The following TCP11 variants were observed in gnomAD, a reference collection of about 807,000 sequenced individuals.
TCP11 encodes the protein t-complex 11.
TCP11 carries 34 observed loss-of-function variants against 45.0 expected under a neutral mutation model. The observed-to-expected ratio is 0.76, with a 90% CI of 0.57 to 1.01. The LOEUF (loss-of-function observed/expected upper bound fraction) is 1.01. Among genes scored for constraint, TCP11 ranks in the 50% least tolerant of loss-of-function variants. TCP11 has a pLI of 0.00. For synonymous variants in TCP11, 227 were observed against 227.0 expected (o/e 1.00, Z 0.00); for missense variants, 523 against 598.1 (o/e 0.87, Z 1.31).
At chr6:35,123,832 G>A (rs752275090) in intron 4 of TCP11, among the ~76,000 whole-genome samples, 7 of 151,226 alleles carry the variant, frequency 4.6e-5, no homozygotes, top group Admixed American at 2.0e-4. Flanking sequence ...CTGTTGCCCA[G>A]GCTGGAGTGT....
chr6:35,118,261 C>T lies in TCP11; in HGVS notation c.*8G>A, dbSNP rs759929977. ...GGTCCAAGGTACCAGGGCTCTGAGC[C>T]GACGCTATCAAACAGACTCCACTTT... On this transcript the variant is annotated 3_prime_UTR_variant, in exon 10 of 10. Coordinates refer to ENST00000311875, the MANE Select transcript of TCP11 (RefSeq NM_001370687.1). 7.4e-6 allele frequency: 12 copies of T among 1,612,864 alleles called. No individual in the cohort carries two copies. The African/African-American group carries it at 8.0e-5, about 11-fold the overall frequency.
rs577920102 is a variant in TCP11 at position 35,124,201 on chromosome 6, G to A, written c.358-1864C>T. Among the ~76,000 whole-genome samples, 19 of 152,200 alleles carry A rather than the reference G, an allele frequency of 1.2e-4. No individual in the cohort carries two copies. In the South Asian group the frequency reaches 2.1e-3, roughly 17 times the overall value. On this transcript the variant is annotated intron_variant, in intron 4 of 9. Coordinates refer to ENST00000311875, the MANE Select transcript of TCP11 (RefSeq NM_001370687.1). ...AATCACTCGAGGTTACCCATATGTC[G>A]TGGGGGATGGGGGAGTGCTAACTAA...
chr6:35,133,705 G>A (rs549954466), intron 3 of TCP11, among the ~76,000 whole-genome samples: 12 of 151,980 alleles, frequency 7.9e-5, no homozygotes, highest in Non-Finnish European at 1.3e-4. Flanking sequence ...CAAGAGAATC[G>A]CTTGAACCCG....
At chr6:35,124,957 G>A (rs537070430) in intron 4 of TCP11, among the ~76,000 whole-genome samples, 5 of 151,474 alleles carry the variant, frequency 3.3e-5, no homozygotes, top group Admixed American at 6.6e-5. Context: ...CGAGGCAGGC[G>A]GATCACCTGA....
intron 1 of TCP11, 153 bp from the exon 2 acceptor site, chr6:35,141,037 G>C (rs1363358480): frequency 8.1e-7 from 1 of 1,233,966 alleles, no homozygotes; most frequent in African/African-American, 1.6e-5. Context: ...TGGAGGAGCG[G>C]AAGTCGAGAG....
intron 3 of TCP11, among the ~76,000 whole-genome samples, chr6:35,130,407 C>CA (rs956917836): frequency 1.3e-5 from 2 of 151,552 alleles, no homozygotes; most frequent in Non-Finnish European, 2.9e-5. Context: ...GTTAAGAGAA[C>CA]AAAAAAACAA....
At chr6:35,140,659 A>T in intron 2 of TCP11, 88 bp downstream of exon 2, 2 of 738,424 alleles carry the variant, frequency 2.7e-6, no homozygotes, top group Non-Finnish European at 4.9e-6. Context: ...GATAGTGAAG[A>T]GAGAAAACTT....
chr6:35,120,290 G>A lies in TCP11; in HGVS notation c.984C>T (p.His328=), dbSNP rs375634528. ...TRLQELKSQL[H]QLTVMASVLL... is the part of the protein sequence containing the mutation. ...AGACTGAGGCCATGACGGTTAACTG[G>A]TGCAACTGGGACTTCAGCTCCTGCA... The change falls in exon 8 of 10, where the codon CAC becomes CAT. Residue 328 remains histidine, a synonymous_variant. Transcript: ENST00000311875. This position sits in a 1 kb window ranked among gnomAD's most constrained non-coding sequence, Gnocchi z 4.9. The A allele has an allele frequency of 1.5e-4, 238 of 1,614,134 alleles. No individual in the cohort carries two copies. Among genetic ancestry groups the A allele is most frequent in the Non-Finnish European group, 1.9e-4 (228 of 1,180,048 alleles).
chr6:35,135,038 T>C (rs1780903238), intron 3 of TCP11, among the ~76,000 whole-genome samples: 1 of 151,836 alleles, frequency 6.6e-6, no homozygotes, highest in Non-Finnish European at 1.5e-5. Context: ...TCCCAGCTAC[T>C]TGGGAGGCTG....
At chr6:35,132,392 G>A (rs1780555890) in intron 3 of TCP11, among the ~76,000 whole-genome samples, 2 of 152,142 alleles carry the variant, frequency 1.3e-5, no homozygotes, top group Admixed American at 6.5e-5. Context: ...CTCTATATAT[G>A]CATAGCTACA....
Position 35,136,226 on chromosome 6 carries a change from T to A in TCP11, c.125-8A>T, listed in dbSNP as rs757510427. On this transcript the variant is annotated splice_polypyrimidine_tract_variant and splice_region_variant and intron_variant, in intron 2 of 9. Transcript: ENST00000311875. ...GACCTGTGACAGAAAGAACTGATGG[T>A]GGACAACAATGAGCCCATGCAAGTC... is the stretch of plus-strand genomic sequence containing the variant. The A allele has an allele frequency of 3.1e-6, 5 of 1,604,334 alleles. No individual in the cohort carries two copies. The South Asian group carries it at 5.5e-5, about 18-fold the overall frequency.
At chr6:35,140,016 C>T (rs1411445848) in intron 2 of TCP11, 2 of 1,613,896 alleles carry the variant, frequency 1.2e-6, no homozygotes. Flanking sequence ...ATTTTTCATC[C>T]TACCTCAGGT....
At chr6:35,140,033 C>T (rs1194123035) in intron 2 of TCP11, 1 of 1,614,104 alleles carries the variant, frequency 6.2e-7, no homozygotes, top group Non-Finnish European at 8.5e-7. Flanking sequence ...AGGTTCATAG[C>T]TGTTGGAAAT....
chr6:35,141,171 G>GGCCCAGGCCCGCCTCCGGC (rs1781735153), intron 1 of TCP11, 34 bp downstream of exon 1: 2 of 1,325,038 alleles, frequency 1.5e-6, no homozygotes, highest in African/African-American at 3.5e-5. Context: ...CCGAAACGCC[G>GGCCCAGGCCCGCCTCCGGC]GCCCAGGCCC....
intron 4 of TCP11, among the ~76,000 whole-genome samples, chr6:35,124,881 A>T (rs60113507): frequency 0.027 from 4,134 of 150,944 alleles, 70 homozygotes; most frequent in Middle Eastern, 0.056. Context: ...TATAATAAAA[A>T]ATATATATAT....
At position 35,120,195 on chromosome 6, in the gene TCP11, C is replaced by T. The variant is rs1198350542; in HGVS notation, c.1079G>A (p.Arg360His). The T allele has an allele frequency of 3.7e-6, 6 of 1,614,070 alleles. No homozygotes were observed. The highest frequency in any genetic ancestry group is 1.1e-5 in the South Asian group (1 of 91,076). The part of the protein sequence containing the change: ...GSPQFVDKLK[R>H]ITKSLLEDFH... ...GTCTTCCAACAAGGATTTGGTTATG[C>T]GTTTCAGTTTATCTACAAATTGGGG... Residue 360 changes from arginine to histidine, a missense_variant, in exon 8 of 10, where the codon CGC becomes CAC. Coordinates refer to ENST00000311875, the MANE Select transcript of TCP11 (RefSeq NM_001370687.1). This position sits in a 1 kb window ranked among gnomAD's most constrained non-coding sequence, Gnocchi z 4.9.
chr6:35,127,344 A>G (rs926612705), intron 4 of TCP11, among the ~76,000 whole-genome samples: 5 of 152,176 alleles, frequency 3.3e-5, no homozygotes, highest in African/African-American at 1.2e-4. Flanking sequence ...TCCAAGCTCA[A>G]TATTAAAGGT....
chr6:35,127,645 A>G (rs1779979854), intron 4 of TCP11, among the ~76,000 whole-genome samples: 1 of 152,224 alleles, frequency 6.6e-6, no homozygotes, highest in Non-Finnish European at 1.5e-5. Flanking sequence ...TTTTATATAC[A>G]AGTTGTTAGA....
intron 4 of TCP11, among the ~76,000 whole-genome samples, chr6:35,125,183 CA>C (rs35594738): frequency 0.16 from 11,588 of 70,932 alleles, 412 homozygotes; most frequent in Non-Finnish European, 0.21. Context: ...GACTCTGTCT[CA>C]AAAAAAAAAA....
Sources: allele counts gnomAD v4.1 joint callset (sites outside exome capture counted in the v4.1 genomes callset), GRCh38; gene constraint gnomAD v4.1.1; non-coding constraint Gnocchi (gnomAD v3.1); transcripts MANE v1.5; gene names NCBI Gene and HGNC (gene_info 2026-07-23, HGNC 2026-07-21).